Variants in TMEM132D observed in about 807,000 individuals in gnomAD.
TMEM132D encodes transmembrane protein 132D.
A neutral mutation model predicts 62.3 loss-of-function variants in TMEM132D; 21 were observed. The observed-to-expected ratio is 0.34, with a 90% CI of 0.24 to 0.49. The LOEUF (loss-of-function observed/expected upper bound fraction) is 0.49. Among genes scored for constraint, TMEM132D ranks in the 20% least tolerant of loss-of-function variants. The pLI is 0.99. For missense variants in TMEM132D, 1,346 were observed against 1,402.8 expected (o/e 0.96, Z 0.65); for synonymous variants, 621 against 575.6 (o/e 1.08, Z -1.13).
intron 3 of TMEM132D, among the ~76,000 whole-genome samples, chr12:129,366,629 G>C (rs1870422486): frequency 6.6e-6 from 1 of 152,226 alleles, no homozygotes; most frequent in African/African-American, 2.4e-5. Context: ...TACGCCGTGT[G>C]AGCTCTAGGA....
intron 1 of TMEM132D, among the ~76,000 whole-genome samples, chr12:129,845,034 A>G (rs1873317179): frequency 6.6e-6 from 1 of 152,182 alleles, no homozygotes; most frequent in Non-Finnish European, 1.5e-5. Flanking sequence ...CAGCTGGTAA[A>G]ATAATTAAAG....
intron 2 of TMEM132D, among the ~76,000 whole-genome samples, chr12:129,673,327 G>T (rs1036002741): frequency 6.6e-6 from 1 of 152,180 alleles, no homozygotes; most frequent in Admixed American, 6.5e-5. Flanking sequence ...AAAGTATTTG[G>T]AAGAGGAATA....
chr12:129,328,999 CATATAT>C (rs535934680), intron 4 of TMEM132D, among the ~76,000 whole-genome samples: 3 of 147,414 alleles, frequency 2.0e-5, no homozygotes, highest in African/African-American at 4.9e-5. Flanking sequence ...ATGTAAAGAA[CATATAT>C]ATATAAACAA....
chr12:129,073,756 G>A lies in TMEM132D; in HGVS notation c.*119C>T. 1.1e-6 allele frequency: 1 copy of A among 940,580 alleles called. No homozygotes were observed. Among genetic ancestry groups the A allele is most frequent in the Non-Finnish European group, 1.6e-6 (1 of 628,604 alleles). The allele number at this position is 940,580 out of a possible 1,614,324, so 58.3% of individuals were successfully genotyped here. A position where few individuals can be genotyped will look rare whatever the true frequency, so the allele number is the denominator to read the frequency against. On this transcript the variant is annotated 3_prime_UTR_variant, in exon 9 of 9. Coordinates refer to ENST00000422113, the MANE Select transcript of TMEM132D (RefSeq NM_133448.3). ...CGGGGTCATTGGCTGAGGCTGTATG[G>A]ATAGTGTCATCCTTATTTTGTCCTG...
At chr12:129,551,155 C>T (rs766413178) in intron 2 of TMEM132D, among the ~76,000 whole-genome samples, 3 of 152,256 alleles carry the variant, frequency 2.0e-5, no homozygotes, top group Non-Finnish European at 4.4e-5. Context: ...CCAGCTCCTC[C>T]AAGACTTCCT....
intron 4 of TMEM132D, among the ~76,000 whole-genome samples, chr12:129,254,542 G>C (rs964989923): frequency 1.3e-5 from 2 of 152,106 alleles, no homozygotes; most frequent in Admixed American, 6.5e-5. Context: ...ATAAATATGA[G>C]TATCTAAATT....
chr12:129,894,764 C>A (rs1218948095), intron 1 of TMEM132D, among the ~76,000 whole-genome samples: 1 of 152,042 alleles, frequency 6.6e-6, no homozygotes, highest in South Asian at 2.1e-4. Flanking sequence ...TTTCCTCTGG[C>A]AGTTTCATGA....
chr12:129,662,770 C>T (rs1278810657), intron 2 of TMEM132D, among the ~76,000 whole-genome samples: 15 of 111,060 alleles, frequency 1.4e-4, no homozygotes, highest in African/African-American at 3.9e-4. Flanking sequence ...TCCAGCCTGG[C>T]GACAGAGCAA....
At chr12:129,573,246 G>A (rs775460885) in intron 2 of TMEM132D, among the ~76,000 whole-genome samples, 7 of 152,150 alleles carry the variant, frequency 4.6e-5, no homozygotes, top group Non-Finnish European at 5.9e-5. Context: ...GATGAGGAAT[G>A]AGCAGAGGGC....
At chr12:129,799,503 G>A (rs1204551024) in intron 1 of TMEM132D, among the ~76,000 whole-genome samples, 1 of 151,868 alleles carries the variant, frequency 6.6e-6, no homozygotes, top group Admixed American at 6.6e-5. Flanking sequence ...AAAGTTCTGG[G>A]CTCAGATTCC....
intron 3 of TMEM132D, among the ~76,000 whole-genome samples, chr12:129,451,540 G>A (rs1285893286): frequency 1.3e-5 from 2 of 152,150 alleles, no homozygotes; most frequent in African/African-American, 4.8e-5. Context: ...CTAGTATGTG[G>A]ATACTAAGCA....
At chr12:129,351,861 T>A (rs1025304457) in intron 3 of TMEM132D, among the ~76,000 whole-genome samples, 8 of 152,228 alleles carry the variant, frequency 5.3e-5, no homozygotes, top group African/African-American at 1.9e-4. Context: ...AGAACAACCC[T>A]CACCATACCA....
At chr12:129,130,436 C>T (rs564691772) in intron 5 of TMEM132D, among the ~76,000 whole-genome samples, 20 of 152,270 alleles carry the variant, frequency 1.3e-4, no homozygotes, top group Admixed American at 3.9e-4. Context: ...CTCCCTTCTG[C>T]TGTGGAGGAA....
chr12:129,892,322 A>C (rs1207948788), intron 1 of TMEM132D, among the ~76,000 whole-genome samples: 1 of 152,222 alleles, frequency 6.6e-6, no homozygotes, highest in Non-Finnish European at 1.5e-5. Flanking sequence ...TTTAATAGAC[A>C]ATATTCTTAA....
intron 3 of TMEM132D, among the ~76,000 whole-genome samples, chr12:129,418,321 T>C (rs1359816047): frequency 7.9e-5 from 12 of 152,120 alleles, no homozygotes; most frequent in Non-Finnish European, 1.6e-4. Context: ...CAAATGCCCG[T>C]CAATGATAGA....
chr12:129,825,170 G>A (rs1035934964), intron 1 of TMEM132D, among the ~76,000 whole-genome samples: 1 of 150,398 alleles, frequency 6.6e-6, no homozygotes, highest in Non-Finnish European at 1.5e-5. Flanking sequence ...CAGGCCACCC[G>A]GGTAATTTTT....
intron 5 of TMEM132D, among the ~76,000 whole-genome samples, chr12:129,102,460 T>C (rs1036207467): frequency 2.0e-5 from 3 of 149,268 alleles, no homozygotes; most frequent in Non-Finnish European, 4.4e-5. Context: ...TGCAGGCACA[T>C]GCATACACAT....
chr12:129,340,386 C>T (rs1343337686), intron 3 of TMEM132D, among the ~76,000 whole-genome samples: 1 of 151,880 alleles, frequency 6.6e-6, no homozygotes, highest in African/African-American at 2.4e-5. Context: ...TATACATGTG[C>T]CATGTTTGTG....
chr12:129,816,888 C>G (rs989226934), intron 1 of TMEM132D, among the ~76,000 whole-genome samples: 1 of 152,064 alleles, frequency 6.6e-6, no homozygotes, highest in African/African-American at 2.4e-5. Context: ...GACAAGAATT[C>G]TGGAATTTAA....
Sources: allele counts gnomAD v4.1 joint callset (sites outside exome capture counted in the v4.1 genomes callset), GRCh38; gene constraint gnomAD v4.1.1; transcripts MANE v1.5; gene names NCBI Gene and HGNC (gene_info 2026-07-23, HGNC 2026-07-21).